NCOA2: variants seen among roughly 807,000 people sequenced by gnomAD.
The protein encoded by NCOA2 is class E basic helix-loop-helix protein 75.
Under a neutral mutation model 145.1 loss-of-function variants are expected in NCOA2, and 21 were observed. The observed-to-expected ratio is 0.14, with a 90% CI of 0.10 to 0.21. The LOEUF (loss-of-function observed/expected upper bound fraction) is 0.21, where lower values mean the gene tolerates loss of function less well. Among genes scored for constraint, NCOA2 ranks in the 10% least tolerant of loss-of-function variants. The pLI is 1.00. For synonymous variants in NCOA2, 619 were observed against 637.5 expected (o/e 0.97, Z 0.44); for missense variants, 1,472 against 1,837.6 (o/e 0.80, Z 3.64).
chr8:70,220,592 G>A (rs1257760611), intron 2 of NCOA2, among the ~76,000 whole-genome samples: 1 of 152,132 alleles, frequency 6.6e-6, no homozygotes, highest in African/African-American at 2.4e-5. Flanking sequence ...CAATATTCTG[G>A]GAGGGGTGAA....
At chr8:70,224,863 C>T (rs1177931011) in intron 2 of NCOA2, among the ~76,000 whole-genome samples, 1 of 151,904 alleles carries the variant, frequency 6.6e-6, no homozygotes, top group Non-Finnish European at 1.5e-5. Context: ...GAATCTGGCT[C>T]TTGGTAGGCA....
the NCOA2 span, among the ~76,000 whole-genome samples, chr8:70,444,332 G>T: frequency 6.6e-6 from 1 of 152,220 alleles, no homozygotes; most frequent in Admixed American, 6.5e-5. Flanking sequence ...AGTTGCCAGA[G>T]GTTAGGGAGT....
At chr8:70,216,635 T>A (rs761691391) in intron 3 of NCOA2, 25 bp downstream of exon 3, 1 of 1,564,172 alleles carries the variant, frequency 6.4e-7, no homozygotes, top group Non-Finnish European at 8.8e-7. Flanking sequence ...ACAATACTGA[T>A]TCCTTTTCTC....
chr8:70,156,517 G>T lies in NCOA2; in HGVS notation c.1848C>A (p.Asn616Lys). The change falls in exon 11 of 23, where the codon AAC becomes AAA. Residue 616 changes from asparagine (N) to lysine (K), a missense_variant. This residue lies in a region of NCOA2 where 953 missense variants were observed against 1,062.1 expected (regional missense o/e 0.90). Coordinates refer to ENST00000452400, the MANE Select transcript of NCOA2 (RefSeq NM_006540.4). ...TCTCACTGCTCACGGCCGGGGGCAG[G>T]TTGGGGTCATTTGTTTCCTTTTGCT... is the stretch of plus-strand genomic sequence containing the variant. ...PGEQKETNDP[N>K]LPPAVSSERA... is the part of the protein sequence containing the mutation. 6.2e-7 allele frequency: 1 copy of T among 1,613,846 alleles called. No individual in the cohort carries two copies. The highest frequency in any genetic ancestry group is 8.5e-7 in the Non-Finnish European group (1 of 1,179,860).
At chr8:70,419,843 C>T in the NCOA2 span, among the ~76,000 whole-genome samples, 2 of 152,194 alleles carry the variant, frequency 1.3e-5, no homozygotes, top group Non-Finnish European at 2.9e-5. Context: ...TGTTTGTATA[C>T]ATTTCCCATG....
chr8:70,284,904 T>C (rs1360542725), intron 2 of NCOA2, among the ~76,000 whole-genome samples: 2 of 151,914 alleles, frequency 1.3e-5, no homozygotes, highest in Non-Finnish European at 2.9e-5. Context: ...AACCACATAC[T>C]AGAAAAAGAA....
chr8:70,245,557 C>G (rs2134574951), intron 2 of NCOA2, among the ~76,000 whole-genome samples: 1 of 152,112 alleles, frequency 6.6e-6, no homozygotes, highest in South Asian at 2.1e-4. Context: ...CACACAGTCT[C>G]AGACTCAGTC....
At chr8:70,213,032 T>C (rs1054554034) in intron 4 of NCOA2, among the ~76,000 whole-genome samples, 1 of 146,016 alleles carries the variant, frequency 6.8e-6, no homozygotes, top group African/African-American at 2.6e-5. Context: ...TGCAGTGAGT[T>C]GAGGATCACA....
At chr8:70,427,094 C>T in the NCOA2 span, among the ~76,000 whole-genome samples, 1 of 152,016 alleles carries the variant, frequency 6.6e-6, no homozygotes, top group East Asian at 1.9e-4. Flanking sequence ...TATATCTGGC[C>T]TGGTTTTGTT....
At position 70,128,837 on chromosome 8, in the gene NCOA2, A is replaced by T; in HGVS notation, c.3468T>A (p.Phe1156Leu). ...GSYSPMQDPN[F>L]HTMGQRPSYA... Reference sequence around the variant, plus strand: ...AACTAGGCCGCTGTCCCATGGTGTGAAAGTTTGGATCTTGCATGGGAGAAT... The same window carrying T: ...AACTAGGCCGCTGTCCCATGGTGTGTAAGTTTGGATCTTGCATGGGAGAAT... The change falls in exon 17 of 23, where the codon TTT (phenylalanine) becomes TTA (leucine). Residue 1156 changes from phenylalanine (F) to leucine (L), a missense_variant. Around this residue, in one of 4 missense-constraint regions of NCOA2, gnomAD observed 953 missense variants for 1,062.1 expected, o/e 0.90. Coordinates refer to ENST00000452400, the MANE Select transcript of NCOA2 (RefSeq NM_006540.4). The T allele has an allele frequency of 6.2e-7, 1 of 1,613,998 alleles. No individual in the cohort carries two copies. Among genetic ancestry groups the T allele is most frequent in the Non-Finnish European group, 8.5e-7 (1 of 1,179,878 alleles).
the NCOA2 span, among the ~76,000 whole-genome samples, chr8:70,436,387 AC>A: frequency 2.6e-5 from 4 of 152,208 alleles, no homozygotes; most frequent in East Asian, 1.9e-4. Flanking sequence ...CTTGGAGGTC[AC>A]CCACATCTCA....
chr8:70,237,181 T>C (rs1563663919), intron 2 of NCOA2, among the ~76,000 whole-genome samples: 7 of 152,234 alleles, frequency 4.6e-5, no homozygotes, highest in Admixed American at 3.3e-4. Context: ...TATTATCTTA[T>C]TTGATCCTCA....
chr8:70,342,710 CT>C (rs35859625), intron 1 of NCOA2, among the ~76,000 whole-genome samples: 15,319 of 140,664 alleles, frequency 0.11, 1,200 homozygotes, highest in East Asian at 0.41. Context: ...ACTACATTAC[CT>C]TTTTTTTTTT....
At chr8:70,223,086 C>T (rs1820303704) in intron 2 of NCOA2, among the ~76,000 whole-genome samples, 2 of 152,148 alleles carry the variant, frequency 1.3e-5, no homozygotes, top group South Asian at 2.1e-4. Flanking sequence ...CCTTGCATAA[C>T]GTAAGCATTT....
chr8:70,443,218 T>G, the NCOA2 span, among the ~76,000 whole-genome samples: 1 of 550 alleles, frequency 1.8e-3, no homozygotes, highest in African/African-American at 8.9e-3. Flanking sequence ...TTTTTAAAAA[T>G]TAGCTGGGTG....
chr8:70,373,580 C>T (rs1203424309), intron 1 of NCOA2, among the ~76,000 whole-genome samples: 2 of 152,074 alleles, frequency 1.3e-5, no homozygotes, highest in Admixed American at 6.6e-5. Flanking sequence ...TTCTTTTACA[C>T]TTAGTACTTT....
chr8:70,280,497 A>C (rs1198810721), intron 2 of NCOA2, among the ~76,000 whole-genome samples: 1 of 152,228 alleles, frequency 6.6e-6, no homozygotes, highest in African/African-American at 2.4e-5. Flanking sequence ...AATTTCATGT[A>C]AGATATAGAA....
chr8:70,358,834 T>C (rs1327634442), intron 1 of NCOA2, among the ~76,000 whole-genome samples: 2 of 152,216 alleles, frequency 1.3e-5, no homozygotes, highest in Non-Finnish European at 2.9e-5. Flanking sequence ...ATGTATATCA[T>C]AGTTGATAAG....
At chr8:70,441,560 AAG>A in the NCOA2 span, among the ~76,000 whole-genome samples, 1 of 150,438 alleles carries the variant, frequency 6.6e-6, no homozygotes, top group Non-Finnish European at 1.5e-5. Context: ...AGAAAGAGGA[AAG>A]AGAGAAAGAA....
Sources: gnomAD v4.1 joint callset for allele counts (sites outside exome capture counted in the v4.1 genomes callset) on GRCh38, gnomAD v4.1.1 for gene constraint, gnomAD v4.1.1 regional missense constraint, MANE v1.5 for transcripts, NCBI Gene and HGNC (gene_info 2026-07-23, HGNC 2026-07-21) for gene names.